ZNF169: variants seen among roughly 807,000 people sequenced by gnomAD.
ZNF169 encodes the protein zinc finger protein 169.
Under a neutral mutation model 12.0 loss-of-function variants are expected in ZNF169, and 11 were observed. That is an observed-to-expected ratio of 0.92 (90% CI 0.58 to 1.52). The LOEUF (loss-of-function observed/expected upper bound fraction) is 1.52, where lower values mean the gene tolerates loss of function less well. Among genes scored for constraint, ZNF169 ranks in the 40% most tolerant of loss-of-function variants. The pLI, the probability that ZNF169 is intolerant of heterozygous loss-of-function variation, is 0.00. For missense variants in ZNF169, 722 were observed against 744.0 expected, an observed-to-expected ratio of 0.97 and a Z score of 0.34; for synonymous variants, 302 against 286.5, an observed-to-expected ratio of 1.05 and a Z score of -0.55.
At chr9:94,265,724 G>T (rs1189102110) in intron 1 of ZNF169, among the ~76,000 whole-genome samples, 1 of 151,964 alleles carries the variant, frequency 6.6e-6, no homozygotes, top group Non-Finnish European at 1.5e-5. Flanking sequence ...CTTTCCTCTG[G>T]AGCCTCAGTA....
At chr9:94,279,388 C>T (rs1830583469) in intron 2 of ZNF169, among the ~76,000 whole-genome samples, 1 of 150,200 alleles carries the variant, frequency 6.7e-6, no homozygotes, top group South Asian at 2.1e-4. Flanking sequence ...GAGACTCCAT[C>T]TCAAAAAAAA....
At chr9:94,265,757 C>T (rs1830281290) in intron 1 of ZNF169, among the ~76,000 whole-genome samples, 1 of 152,036 alleles carries the variant, frequency 6.6e-6, no homozygotes, top group Non-Finnish European at 1.5e-5. Flanking sequence ...CTAAGTGGGT[C>T]CAGGTGCTGG....
rs115358506 is a variant in ZNF169 at position 94,270,547 on chromosome 9, G to C, written c.-55-8211G>C. Among the ~76,000 whole-genome samples the C allele has an allele frequency of 7.0e-3, 975 of 140,064 alleles. 19 individuals are homozygous for C. Among genetic ancestry groups the C allele is most frequent in the African/African-American group, 0.025 (949 of 38,044 alleles). The allele number at this position is 140,064 out of a possible 152,430, so 91.9% of individuals were successfully genotyped here. ...TTTCCTTCTATTGCTAATTTGTTAGGAGTTTTTATCATGAATAGCCATTGA... is the reference window on the plus strand; with the variant it reads ...TTTCCTTCTATTGCTAATTTGTTAGCAGTTTTTATCATGAATAGCCATTGA... On this transcript the variant is annotated intron_variant, in intron 1 of 4. Transcript: ENST00000395395.
At chr9:94,296,720 T>C (rs1830958457) in intron 4 of ZNF169, 6 of 456,806 alleles carry the variant, frequency 1.3e-5, no homozygotes, top group South Asian at 9.3e-5. Flanking sequence ...TACTCCTCTG[T>C]TAGTGTCTCT....
chr9:94,289,705 A>G (rs1369538188), intron 2 of ZNF169, among the ~76,000 whole-genome samples: 1 of 152,126 alleles, frequency 6.6e-6, no homozygotes, highest in Non-Finnish European at 1.5e-5. Flanking sequence ...CAGGAGAATC[A>G]CTTGCATTCG....
Position 94,300,728 on chromosome 9 carries a change from T to C in ZNF169, c.1170T>C (p.Leu390=). The part of the protein sequence containing the change: ...GRSFRQQSLL[L]SHQVTHSGEK... ...GCTTCAGGCAGCAGTCACTCCTCCT[T>C]AGTCACCAGGTCACACACTCAGGAG... is the stretch of plus-strand genomic sequence containing the variant. Residue 390 remains leucine, a synonymous_variant, in exon 5 of 5, where the codon CTT becomes CTC. Coordinates refer to ENST00000395395, the MANE Select transcript of ZNF169 (RefSeq NM_194320.4). 6.2e-7 allele frequency: 1 copy of C among 1,610,194 alleles called. No homozygotes were observed. The highest frequency in any genetic ancestry group is 8.5e-7 in the Non-Finnish European group (1 of 1,178,838).
intron 1 of ZNF169, among the ~76,000 whole-genome samples, chr9:94,270,693 T>TATA: frequency 1.7e-5 from 1 of 58,646 alleles, no homozygotes; most frequent in Non-Finnish European, 3.6e-5. Flanking sequence ...TATAAATATA[T>TATA]AATTTATATA....
chr9:94,269,448 A>G (rs1293273716), intron 1 of ZNF169, among the ~76,000 whole-genome samples: 2 of 152,148 alleles, frequency 1.3e-5, no homozygotes, highest in Non-Finnish European at 2.9e-5. Context: ...AGATTTGCGC[A>G]TGCATGAAAC....
intron 2 of ZNF169, chr9:94,287,982 A>G: frequency 2.5e-6 from 2 of 805,314 alleles, no homozygotes; most frequent in South Asian, 2.7e-5. Flanking sequence ...GGAGCTGCCA[A>G]ACTCTGTCCC....
chr9:94,288,624 A>G, intron 2 of ZNF169: 2 of 387,936 alleles, frequency 5.2e-6, no homozygotes, highest in East Asian at 6.4e-5. Context: ...GGTTTCCCTC[A>G]TGCTATTTTT....
chr9:94,271,718 CAAAA>C (rs58733917), intron 1 of ZNF169, among the ~76,000 whole-genome samples: 10 of 64,818 alleles, frequency 1.5e-4, no homozygotes, highest in African/African-American at 2.8e-4. Flanking sequence ...GACTCTGTCT[CAAAA>C]AAAAAAAAAA....
At chr9:94,288,265 T>G in intron 2 of ZNF169, 4 of 809,208 alleles carry the variant, frequency 4.9e-6, no homozygotes, top group Non-Finnish European at 8.8e-6. Context: ...GAAGGTCAGC[T>G]TCAGTTCACG....
intron 1 of ZNF169, among the ~76,000 whole-genome samples, chr9:94,268,182 T>A (rs1830327655): frequency 6.6e-6 from 1 of 152,086 alleles, no homozygotes; most frequent in Non-Finnish European, 1.5e-5. Context: ...TAAAACTGCC[T>A]TCTAAAGAGG....
intron 1 of ZNF169, among the ~76,000 whole-genome samples, chr9:94,273,579 C>CTTTTTTT (rs56165942): frequency 1.7e-5 from 2 of 119,166 alleles, no homozygotes; most frequent in Admixed American, 9.8e-5. Context: ...TTCTTTCTTT[C>CTTTTTTT]TTTTTTTTTT....
chr9:94,294,435 C>T (rs1414065811), intron 4 of ZNF169: 1 of 151,656 alleles, frequency 6.6e-6, no homozygotes, highest in East Asian at 1.9e-4. Flanking sequence ...GAGTCTCCAT[C>T]TCACAAAGAA....
rs1388859780 is a variant in ZNF169, at chr9:94,301,343, T to C, written c.1785T>C (p.His595=). 1.2e-6 allele frequency: 2 copies of C among 1,613,386 alleles called. No individual in the cohort carries two copies. The highest frequency in any genetic ancestry group is 1.7e-6 in the Non-Finnish European group (2 of 1,179,582). Residue 595 remains histidine, a synonymous_variant, in exon 5 of 5, where the codon CAT becomes CAC. Coordinates refer to ENST00000395395, the MANE Select transcript of ZNF169 (RefSeq NM_194320.4). ...GACACAGGAGGACCAAGTCTGGTCATCAGCTCCTACCCCAAGAGGTCTTCT... is the reference window on the plus strand; with the variant it reads ...GACACAGGAGGACCAAGTCTGGTCACCAGCTCCTACCCCAAGAGGTCTTCT... ...LHRHRRTKSG[H]QLLPQEVF
intron 2 of ZNF169, chr9:94,287,787 A>G (rs1333899662): frequency 2.8e-5 from 38 of 1,338,470 alleles, no homozygotes; most frequent in Non-Finnish European, 3.9e-5. Context: ...TGTCAGTTTG[A>G]TACCTGGCTT....
At chr9:94,292,273 T>C in intron 2 of ZNF169, 68 bp from the exon 3 acceptor site, 1 of 1,612,680 alleles carries the variant, frequency 6.2e-7, no homozygotes, top group Non-Finnish European at 8.5e-7. Flanking sequence ...TTGACTGTGG[T>C]TAGTGGCTTA....
At chr9:94,294,735 A>C (rs765744234) in intron 4 of ZNF169, 5 of 152,106 alleles carry the variant, frequency 3.3e-5, no homozygotes, top group Non-Finnish European at 7.4e-5. Flanking sequence ...CTGTTTCCCC[A>C]TCTGTGATTT....
Sources: gnomAD v4.1 joint callset for allele counts (sites outside exome capture counted in the v4.1 genomes callset) on GRCh38, gnomAD v4.1.1 for gene constraint, MANE v1.5 for transcripts, NCBI Gene and HGNC (gene_info 2026-07-23, HGNC 2026-07-21) for gene names.